The following ZNF71 variants were observed in gnomAD, a reference collection of about 807,000 sequenced individuals.
ZNF71 encodes the protein endothelial zinc finger protein induced by tumor necrosis factor alpha.
In ZNF71, 3 loss-of-function variants were observed where a neutral mutation model predicts 6.7. The observed-to-expected ratio is 0.45, with a 90% CI of 0.20 to 1.16. ZNF71 has a LOEUF of 1.16. ZNF71 is among the 50% of genes most tolerant of loss of function. The pLI is 0.25. For missense variants in ZNF71, 688 were observed against 728.6 expected (o/e 0.94, Z 0.64); for synonymous variants, 343 against 311.1 (o/e 1.10, Z -1.08).
At chr19:56,617,717 T>A (rs2044807545) in intron 3 of ZNF71, among the ~76,000 whole-genome samples, 1 of 152,182 alleles carries the variant, frequency 6.6e-6, no homozygotes, top group Non-Finnish European at 1.5e-5. Context: ...GGTGTGGAAC[T>A]GTGTTTTCAC....
rs2044684495 is a variant in ZNF71, at chr19:56,603,204, A to G, written c.33+1613A>G. Among the ~76,000 whole-genome samples, 1 of 152,150 alleles carries G rather than the reference A, an allele frequency of 6.6e-6. No individual in the cohort carries two copies. The highest frequency in any genetic ancestry group is 1.5e-5 in the Non-Finnish European group (1 of 68,030). On this transcript the variant is annotated intron_variant, in intron 2 of 3. Coordinates refer to ENST00000599599, the MANE Select transcript of ZNF71 (RefSeq NM_001370215.1). This position sits in a 1 kb window ranked among gnomAD's most constrained non-coding sequence, Gnocchi z 4.6. The stretch of plus-strand genomic sequence containing the variant: ...CATCCTGAAAAAGAGCCGAGTACCC[A>G]TTGGCACTCATTTCCATTTTCCCCC...
At chr19:56,601,944 G>A (rs1202563558) in intron 2 of ZNF71, among the ~76,000 whole-genome samples, 1 of 152,232 alleles carries the variant, frequency 6.6e-6, no homozygotes, top group Admixed American at 6.5e-5. Flanking sequence ...TCTTGTGAAT[G>A]TGAATGCCCA....
intron 2 of ZNF71, among the ~76,000 whole-genome samples, chr19:56,604,740 A>C (rs2044696730): frequency 6.6e-6 from 1 of 152,194 alleles, no homozygotes; most frequent in Non-Finnish European, 1.5e-5. Flanking sequence ...AGAGGAGGCT[A>C]TCTTGAGCCC....
chr19:56,597,671 A>T (rs1413708718), intron 1 of ZNF71, among the ~76,000 whole-genome samples: 2 of 152,138 alleles, frequency 1.3e-5, no homozygotes, highest in African/African-American at 4.8e-5. Flanking sequence ...TACTATGGAG[A>T]CCCTACCCTC....
intron 3 of ZNF71, among the ~76,000 whole-genome samples, chr19:56,620,444 A>T (rs762917428): frequency 5.8e-4 from 89 of 152,196 alleles, no homozygotes; most frequent in Non-Finnish European, 1.1e-3. Flanking sequence ...AAGTGGGTCG[A>T]AGGAGTAGAG....
rs935999963 is a variant in ZNF71, at chr19:56,618,364, C to T, written c.161-2904C>T. ...ATGATTGTGAGGGTCTCCAGAGATC[C>T]GTGCAAATTGTTCAGCACTGTGCCA... On this transcript the variant is annotated intron_variant, in intron 3 of 3. Transcript: ENST00000599599. The surrounding 1 kb of genome is among the most constrained non-coding windows in gnomAD (Gnocchi z 4.6). Among the ~76,000 whole-genome samples the T allele has an allele frequency of 5.3e-5, 8 of 152,312 alleles. No homozygotes were observed. The highest frequency in any genetic ancestry group is 8.8e-5 in the Non-Finnish European group (6 of 68,038).
chr19:56,616,543 A>C (rs763767049), intron 3 of ZNF71, among the ~76,000 whole-genome samples: 2 of 152,238 alleles, frequency 1.3e-5, no homozygotes, highest in African/African-American at 4.8e-5. Flanking sequence ...TGGTAGGAAA[A>C]GGCACTGTTC....
Position 56,624,199 on chromosome 19 carries a change from AT to A in ZNF71, c.*1444del, listed in dbSNP as rs1390531529. On this transcript the variant is annotated 3_prime_UTR_variant, in exon 4 of 4. Coordinates refer to ENST00000599599, the MANE Select transcript of ZNF71 (RefSeq NM_001370215.1). Reference sequence around the variant, plus strand: ...GAAAAAAAATTATATCAGCAAGCACATTCTGCAAATAAGAAAAACAGCCACT... The same window carrying A: ...GAAAAAAAATTATATCAGCAAGCACATCTGCAAATAAGAAAAACAGCCACT... The A allele has an allele frequency of 6.1e-6, 1 of 164,924 alleles. No individual in the cohort carries two copies. The highest frequency in any genetic ancestry group is 1.5e-5 in the Non-Finnish European group (1 of 68,116). The allele number at this position is 164,924 out of a possible 1,614,324, so 10.2% of individuals were successfully genotyped here. A position where few individuals can be genotyped will look rare whatever the true frequency, so the allele number is the denominator to read the frequency against.
In ZNF71 at chr19:56,621,657, T is replaced by C. The variant is rs1413629206; in HGVS notation, c.550T>C (p.Cys184Arg). Residue 184 changes from cysteine to arginine, a missense_variant, in exon 4 of 4, where the codon TGC becomes CGC. Cys to Arg is a radical substitution (Grantham distance 180). Transcript: ENST00000599599. ...TSDLSKPPMP[C>R]EEKKTYDCSE... ...AGACCTCAGTAAGCCCCCCATGCCC[T>C]GCGAGGAGAAGAAAACCTACGACTG... The C allele has an allele frequency of 8.7e-6, 14 of 1,614,030 alleles. No individual in the cohort carries two copies. The highest frequency in any genetic ancestry group is 1.2e-5 in the Non-Finnish European group (14 of 1,180,038).
chr19:56,610,958 T>G lies in ZNF71; in HGVS notation c.34-2854T>G, dbSNP rs150298602. Among the ~76,000 whole-genome samples the G allele has an allele frequency of 1.5e-3, 228 of 152,338 alleles. No homozygotes were observed. The East Asian group carries it at 0.042, about 28-fold the overall frequency. ...CTTCTTTTTGTCTGTTAGTGTACAC[T>G]TGTTGCTTCCACCTTTTGTCTATTG... On this transcript the variant is annotated intron_variant, in intron 2 of 3. Transcript: ENST00000599599.
rs1455155074 is a variant in ZNF71 at position 56,624,027 on chromosome 19, A to C, written c.*1270A>C. 6.0e-6 allele frequency: 1 copy of C among 167,118 alleles called. No individual in the cohort carries two copies. The allele number at this position is 167,118 out of a possible 1,614,324, so 10.4% of individuals were successfully genotyped here. A position where few individuals can be genotyped will look rare whatever the true frequency, so the allele number is the denominator to read the frequency against. On this transcript the variant is annotated 3_prime_UTR_variant, in exon 4 of 4. Coordinates refer to ENST00000599599, the MANE Select transcript of ZNF71 (RefSeq NM_001370215.1). ...AGGCCGACTGAAGCTCTGTTTACAC[A>C]TAAGAGTGTTCCCCAAAGTGCACTT...
In ZNF71 at chr19:56,621,413, C is replaced by T. The variant is rs760890324; in HGVS notation, c.306C>T (p.Gly102=). ...GPGSEGVWEP[G]SWPERPRGDA... is the part of the protein sequence containing the mutation. ...GCTCAGAAGGAGTGTGGGAACCAGG[C>T]AGCTGGCCAGAGAGGCCGCGGGGAG... The change falls in exon 4 of 4, where the codon GGC becomes GGT. Residue 102 remains glycine (G), a synonymous_variant. Transcript: ENST00000599599. 7.4e-6 allele frequency: 12 copies of T among 1,612,720 alleles called. No homozygotes were observed. The highest frequency in any genetic ancestry group is 6.7e-5 in the East Asian group (3 of 44,868).
Position 56,621,381 on chromosome 19 carries a change from G to A in ZNF71, c.274G>A (p.Gly92Ser). 1 of 1,604,594 alleles carries A rather than the reference G, an allele frequency of 6.2e-7. No individual in the cohort carries two copies. Among genetic ancestry groups the A allele is most frequent in the African/African-American group, 1.3e-5 (1 of 74,770 alleles). The part of the protein sequence containing the change: ...TGGPTRNGAR[G>S]PGSEGVWEPG... ...GGGACCCACGAGGAATGGTGCCAGG[G>A]GTCCTGGCTCAGAAGGAGTGTGGGA... The change falls in exon 4 of 4, where the codon GGT (glycine) becomes AGT (serine). Residue 92 changes from glycine to serine, a missense_variant. Transcript: ENST00000599599.
intron 3 of ZNF71, 103 bp from the exon 4 acceptor site, chr19:56,621,165 C>T: frequency 8.3e-7 from 1 of 1,198,190 alleles, no homozygotes; most frequent in South Asian, 1.7e-5. Flanking sequence ...TGCCTTGGGC[C>T]TCATTGGGGT....
chr19:56,607,704 A>G (rs1168636775), intron 2 of ZNF71, among the ~76,000 whole-genome samples: 4 of 152,208 alleles, frequency 2.6e-5, no homozygotes, highest in Admixed American at 1.3e-4. Context: ...AAACAAACAA[A>G]CAAACAAAAA....
At chr19:56,608,496 A>G (rs2044726624) in intron 2 of ZNF71, among the ~76,000 whole-genome samples, 1 of 151,876 alleles carries the variant, frequency 6.6e-6, no homozygotes, top group Non-Finnish European at 1.5e-5. Flanking sequence ...CATAGACTGC[A>G]TTTTGCTTAT....
rs572675098 is a variant in ZNF71 at position 56,609,205 on chromosome 19, C to T, written c.34-4607C>T. On this transcript the variant is annotated intron_variant, in intron 2 of 3. Transcript: ENST00000599599. The stretch of plus-strand genomic sequence containing the variant: ...AATTAGTAAACTGGGAAAATGAATT[C>T]TCCCACTTCCCCTCCCCATCCTGAA... Among the ~76,000 whole-genome samples the T allele has an allele frequency of 6.6e-5, 10 of 152,176 alleles. No homozygotes were observed. The East Asian group carries it at 1.7e-3, about 26-fold the overall frequency.
intron 1 of ZNF71, among the ~76,000 whole-genome samples, chr19:56,599,819 G>C (rs978554726): frequency 5.3e-5 from 8 of 149,850 alleles, no homozygotes; most frequent in Admixed American, 4.0e-4. Flanking sequence ...TCAGCCTCCC[G>C]AGTAGCTGGG....
intron 2 of ZNF71, among the ~76,000 whole-genome samples, chr19:56,607,912 TTG>T (rs1333062975): frequency 2.0e-5 from 3 of 152,110 alleles, no homozygotes; most frequent in Admixed American, 2.0e-4. Flanking sequence ...CACACAGTGG[TTG>T]GTGGTGGGAT....
Sources: allele counts gnomAD v4.1 joint callset (sites outside exome capture counted in the v4.1 genomes callset), GRCh38; gene constraint gnomAD v4.1.1; non-coding constraint Gnocchi (gnomAD v3.1); transcripts MANE v1.5; gene names NCBI Gene and HGNC (gene_info 2026-07-23, HGNC 2026-07-21).